The following CDYL2 variants were observed in gnomAD, a reference collection of about 807,000 sequenced individuals.
CDYL2 encodes the protein chromodomain Y-like protein 2.
Under a neutral mutation model 49.4 loss-of-function variants are expected in CDYL2, and 23 were observed. The ratio of observed to expected loss-of-function variants is 0.47; its 90% confidence interval spans 0.34 to 0.66. The LOEUF is 0.66. CDYL2 is among the 30% of genes least tolerant of loss of function. The probability of loss-of-function intolerance (pLI) is 0.01; values close to 1 mark genes in which losing one functional copy is unlikely to be tolerated. For synonymous variants in CDYL2, 360 were observed against 268.8 expected (o/e 1.34, Z -3.32); for missense variants, 678 against 656.4 (o/e 1.03, Z -0.36).
chr16:80,804,257 G>T lies in CDYL2; in HGVS notation c.-84C>A. On this transcript the variant is annotated 5_prime_UTR_variant, in exon 1 of 7. Transcript: ENST00000570137. ...CGTGTGCGCGCGGGGTCCGGTGTGC[G>T]CGTGTGTGTGCGCGCGTGTGTGTGC... The T allele has an allele frequency of 8.2e-7, 1 of 1,220,454 alleles. No homozygotes were observed. The highest frequency in any genetic ancestry group is 1.1e-6 in the Non-Finnish European group (1 of 927,066). 75.6% of individuals were successfully genotyped at this position (1,220,454 alleles called of 1,614,324 possible).
intron 1 of CDYL2, among the ~76,000 whole-genome samples, chr16:80,792,334 G>C (rs556022114): frequency 1.3e-4 from 20 of 152,256 alleles, no homozygotes; most frequent in South Asian, 1.0e-3. Flanking sequence ...AGGAGATGAG[G>C]ACACAAAGGC....
intron 3 of CDYL2, among the ~76,000 whole-genome samples, chr16:80,628,621 G>C (rs1468325694): frequency 6.6e-6 from 1 of 152,134 alleles, no homozygotes; most frequent in African/African-American, 2.4e-5. Flanking sequence ...GCAATTATGA[G>C]ACAATAAACG....
intron 1 of CDYL2, among the ~76,000 whole-genome samples, chr16:80,772,591 T>A (rs188866147): frequency 6.6e-6 from 1 of 152,310 alleles, no homozygotes; most frequent in Non-Finnish European, 1.5e-5. Context: ...TAGCTGGGAC[T>A]ACAGGCACGT....
chr16:80,703,147 C>A (rs1380024159), intron 1 of CDYL2, among the ~76,000 whole-genome samples: 2 of 152,024 alleles, frequency 1.3e-5, no homozygotes, highest in African/African-American at 4.8e-5. Flanking sequence ...CACACCTGGG[C>A]AAAAAGAGAG....
chr16:80,733,037 T>G (rs1028904444), intron 1 of CDYL2, among the ~76,000 whole-genome samples: 2 of 151,830 alleles, frequency 1.3e-5, no homozygotes, highest in African/African-American at 4.8e-5. Flanking sequence ...CAGAAAAGAG[T>G]GACTGTTATA....
intron 2 of CDYL2, among the ~76,000 whole-genome samples, chr16:80,669,208 G>A (rs547600678): frequency 1.3e-5 from 2 of 152,074 alleles, no homozygotes; most frequent in South Asian, 4.2e-4. Context: ...CTGCACACTG[G>A]AAGGTAATGG....
At chr16:80,772,814 C>T (rs980715254) in intron 1 of CDYL2, among the ~76,000 whole-genome samples, 2 of 151,574 alleles carry the variant, frequency 1.3e-5, no homozygotes, top group South Asian at 2.1e-4. Context: ...AGAGTAACCA[C>T]TAAAAGAAAA....
Position 80,604,382 on chromosome 16 carries a change from G to A in CDYL2, c.*6C>T. 1.2e-6 allele frequency: 2 copies of A among 1,613,950 alleles called. No homozygotes were observed. The highest frequency in any genetic ancestry group is 8.5e-7 in the Non-Finnish European group (1 of 1,179,890). On this transcript the variant is annotated 3_prime_UTR_variant, in exon 7 of 7. Coordinates refer to ENST00000570137, the MANE Select transcript of CDYL2 (RefSeq NM_152342.4). ...TGGAAGTTGGGGGCCCGTGAGCTGGGGCCCCTCAGACTTCATAAATTTTGT... is the reference window on the plus strand; with the variant it reads ...TGGAAGTTGGGGGCCCGTGAGCTGGAGCCCCTCAGACTTCATAAATTTTGT...
chr16:80,733,076 T>G (rs1219396637), intron 1 of CDYL2, among the ~76,000 whole-genome samples: 6 of 152,094 alleles, frequency 3.9e-5, no homozygotes, highest in Admixed American at 3.3e-4. Context: ...CTATATCTAC[T>G]GATAACGTTC....
intron 3 of CDYL2, among the ~76,000 whole-genome samples, chr16:80,628,900 C>CA (rs1907425208): frequency 6.6e-6 from 1 of 152,082 alleles, no homozygotes; most frequent in Non-Finnish European, 1.5e-5. Context: ...AGACTAACAA[C>CA]TGTGATAAGA....
chr16:80,757,692 C>A (rs1036021544), intron 1 of CDYL2, among the ~76,000 whole-genome samples: 14 of 151,254 alleles, frequency 9.3e-5, no homozygotes, highest in African/African-American at 3.4e-4. Flanking sequence ...AAGGTATATT[C>A]ATAATAACAA....
At chr16:80,699,415 G>GAAATAC (rs1422316079) in intron 1 of CDYL2, among the ~76,000 whole-genome samples, 2 of 152,190 alleles carry the variant, frequency 1.3e-5, no homozygotes, top group Admixed American at 6.5e-5. Flanking sequence ...GCCAGGCATA[G>GAAATAC]AAATACAAAT....
intron 1 of CDYL2, among the ~76,000 whole-genome samples, chr16:80,781,718 T>A (rs962388791): frequency 1.3e-5 from 2 of 151,992 alleles, no homozygotes; most frequent in Non-Finnish European, 2.9e-5. Flanking sequence ...CAACATGGGA[T>A]AAACTAGAAA....
intron 1 of CDYL2, among the ~76,000 whole-genome samples, chr16:80,790,690 G>A (rs1907581081): frequency 6.6e-6 from 1 of 152,178 alleles, no homozygotes; most frequent in African/African-American, 2.4e-5. Flanking sequence ...ACAGTTCACA[G>A]ACGAGTTTGG....
intron 1 of CDYL2, among the ~76,000 whole-genome samples, chr16:80,695,650 C>G (rs201509141): frequency 6.6e-6 from 1 of 151,844 alleles, no homozygotes; most frequent in African/African-American, 2.4e-5. Context: ...CTGTAAAAAG[C>G]AATAAAGGAG....
At chr16:80,795,611 A>AC (rs1015055138) in intron 1 of CDYL2, among the ~76,000 whole-genome samples, 1 of 152,026 alleles carries the variant, frequency 6.6e-6, no homozygotes, top group Non-Finnish European at 1.5e-5. Flanking sequence ...CTACTCCACA[A>AC]CCCCCACCAT....
At chr16:80,781,552 G>C (rs951296994) in intron 1 of CDYL2, among the ~76,000 whole-genome samples, 5 of 152,020 alleles carry the variant, frequency 3.3e-5, no homozygotes, top group African/African-American at 1.2e-4. Flanking sequence ...GATACATACA[G>C]AACATCCCAC....
intron 2 of CDYL2, among the ~76,000 whole-genome samples, chr16:80,671,218 G>A (rs954771241): frequency 1.3e-5 from 2 of 152,212 alleles, no homozygotes; most frequent in African/African-American, 4.8e-5. Flanking sequence ...AATGGAGAAT[G>A]TCTATCAGCC....
intron 1 of CDYL2, among the ~76,000 whole-genome samples, chr16:80,757,456 C>T (rs2142378581): frequency 6.6e-6 from 1 of 151,084 alleles, no homozygotes; most frequent in South Asian, 2.1e-4. Context: ...GGGAGGCTTG[C>T]TTGAGCCCAA....
Sources: gnomAD v4.1 joint callset for allele counts (sites outside exome capture counted in the v4.1 genomes callset) on GRCh38, gnomAD v4.1.1 for gene constraint, MANE v1.5 for transcripts, NCBI Gene and HGNC (gene_info 2026-07-23, HGNC 2026-07-21) for gene names.